Variants in ADPRHL1 observed in about 807,000 individuals in gnomAD.
ADPRHL1 encodes the protein inactive ADP-ribosyltransferase ARH2.
A neutral mutation model predicts 44.1 loss-of-function variants in ADPRHL1; 43 were observed. The observed-to-expected ratio is 0.98, with a 90% confidence interval of 0.76 to 1.26. The LOEUF is 1.26. Among genes scored for constraint, ADPRHL1 ranks in the 50% most tolerant of loss-of-function variants. The pLI is 0.00. For missense variants in ADPRHL1, 2,022 were observed against 2,496.9 expected, an observed-to-expected ratio of 0.81 and a Z score of 4.05; for synonymous variants, 878 against 1,017.4, an observed-to-expected ratio of 0.86 and a Z score of 2.61.
intron 2 of ADPRHL1, among the ~76,000 whole-genome samples, chr13:113,434,344 G>A (rs2044030891): frequency 6.6e-6 from 1 of 151,598 alleles, no homozygotes; most frequent in African/African-American, 2.4e-5. Flanking sequence ...CCGTGACCCA[G>A]CATCCAGGTG....
chr13:113,407,433 G>T lies in ADPRHL1; in HGVS notation c.1849C>A (p.Pro617Thr), dbSNP rs943655985. 108 of 1,231,990 alleles carry T rather than the reference G, an allele frequency of 8.8e-5. No homozygotes were observed. The highest frequency in any genetic ancestry group is 8.4e-5 in the Admixed American group (2 of 23,722). The allele number at this position is 1,231,990 out of a possible 1,614,324, so 76.3% of individuals were successfully genotyped here. Reference sequence around the variant, plus strand: ...GTGGCGATGCTGAGGGCCGGCAGGGGCTCAGCCGTGCAGGCCAGAAAGCGG... The same window carrying T: ...GTGGCGATGCTGAGGGCCGGCAGGGTCTCAGCCGTGCAGGCCAGAAAGCGG... ...PARFLACTAE[P>T]LPALSIATVV... Residue 617 changes from proline (P) to threonine (T), a missense_variant, in exon 8 of 8, where the codon CCC becomes ACC. This residue lies in a region of ADPRHL1 where 1,221 missense variants were observed against 1,517.8 expected (regional missense o/e 0.80). Transcript: ENST00000612156.
Position 113,408,360 on chromosome 13 carries a change from G to A in ADPRHL1, c.1062-140C>T, listed in dbSNP as rs572670963. Reference sequence around the variant, plus strand: ...GGGAGAAAAAGAGATTAGGAGCCAGGAGCTGTGGCTTCTGGGCTGTCTCTG... The same window carrying A: ...GGGAGAAAAAGAGATTAGGAGCCAGAAGCTGTGGCTTCTGGGCTGTCTCTG... On this transcript the variant is annotated intron_variant, in intron 7 of 7. Transcript: ENST00000612156. 104 of 886,418 alleles carry A rather than the reference G, an allele frequency of 1.2e-4. No homozygotes were observed. The Middle Eastern group carries it at 2.0e-3, about 17-fold the overall frequency. 54.9% of individuals were successfully genotyped at this position (886,418 alleles called of 1,614,324 possible).
At chr13:113,434,576 C>T (rs78126602) in intron 2 of ADPRHL1, among the ~76,000 whole-genome samples, 73,541 of 83,966 alleles carry the variant, frequency 0.88, 32,841 homozygotes, top group East Asian at 0.94. Context: ...AGAGTGAACA[C>T]AGGTGTACCC....
chr13:113,419,074 C>CCCTCCCT (rs2043902350), intron 7 of ADPRHL1, among the ~76,000 whole-genome samples: 1 of 74,064 alleles, frequency 1.4e-5, no homozygotes, highest in African/African-American at 5.9e-5. Flanking sequence ...TTCACTCCCT[C>CCCTCCCT]CTTCCTTCCT....
intron 3 of ADPRHL1, among the ~76,000 whole-genome samples, chr13:113,432,126 C>CT (rs77919097): frequency 0.35 from 53,419 of 150,974 alleles, 10,892 homozygotes; most frequent in East Asian, 0.7. Context: ...AAATGTCCAG[C>CT]TTTTTTTTTG....
chr13:113,406,851 A>G lies in ADPRHL1; in HGVS notation c.2431T>C (p.Phe811Leu), dbSNP rs536738777. The stretch of plus-strand genomic sequence containing the variant: ...TGCTCCGGCACCTTCTGTTCTGGGA[A>G]ATACTTCTGGGTGGCAAAGAGGGGG... ...RDPLFATQKY[F>L]PEQKVPEHIP... The change falls in exon 8 of 8, where the codon TTC (phenylalanine) becomes CTC (leucine). Residue 811 changes from phenylalanine (F) to leucine (L), a missense_variant. By Grantham distance (22) the Phe-to-Leu change is conservative. Transcript: ENST00000612156. The G allele has an allele frequency of 1.5e-4, 180 of 1,232,152 alleles. 1 individual carries two copies. The Middle Eastern group carries it at 4.0e-3, about 28-fold the overall frequency. The allele number at this position is 1,232,152 out of a possible 1,614,324, so 76.3% of individuals were successfully genotyped here. A position where few individuals can be genotyped will look rare whatever the true frequency, so the allele number is the denominator to read the frequency against.
rs2043792974 is a variant in ADPRHL1, at chr13:113,404,623, T to TTGAGCGTGTCCC, written c.4647_4658dup (p.Gly1550_Gln1553dup). ...TCTGGGTCTGCCACTGGGCCTGTTC[T>TTGAGCGTGTCCC]TGAGCGTGTCCCTGAGCCTGTCCCT... On this transcript the variant is annotated inframe_insertion, in exon 8 of 8. Coordinates refer to ENST00000612156, the MANE Select transcript of ADPRHL1 (RefSeq NM_001394807.1). 1 of 1,305,534 alleles carries TTGAGCGTGTCCC rather than the reference T, an allele frequency of 7.7e-7. No homozygotes were observed. The highest frequency in any genetic ancestry group is 4.1e-5 in the Admixed American group (1 of 24,570). The allele number at this position is 1,305,534 out of a possible 1,614,324, so 80.9% of individuals were successfully genotyped here.
rs541672669 is a variant in ADPRHL1, at chr13:113,448,968, G to A, written c.214+4256C>T. The A allele has an allele frequency of 5.3e-5, 52 of 985,708 alleles. No homozygotes were observed. In the South Asian group the frequency reaches 1.1e-3, roughly 21 times the overall value. 61.1% of individuals were successfully genotyped at this position (985,708 alleles called of 1,614,324 possible). ...ATGGCCGAGCTCTCTGTGCGAGGCC[G>A]CCCCTCCCCAGGCCTGGCACACACA... On this transcript the variant is annotated intron_variant, in intron 1 of 7. Transcript: ENST00000612156.
At position 113,405,130 on chromosome 13, in the gene ADPRHL1, C is replaced by T. The variant is rs997529578; in HGVS notation, c.4152G>A (p.Gln1384=). 20 of 1,232,108 alleles carry T rather than the reference C, an allele frequency of 1.6e-5. No individual in the cohort carries two copies. The highest frequency in any genetic ancestry group is 2.0e-5 in the Non-Finnish European group (20 of 988,334). The allele number at this position is 1,232,108 out of a possible 1,614,324, so 76.3% of individuals were successfully genotyped here. A position where few individuals can be genotyped will look rare whatever the true frequency, so the allele number is the denominator to read the frequency against. The change falls in exon 8 of 8, where the codon CAG becomes CAA. Residue 1384 remains glutamine (Q), a synonymous_variant. Coordinates refer to ENST00000612156, the MANE Select transcript of ADPRHL1 (RefSeq NM_001394807.1). ...CGGGCTGGGGGGTCTCCTCCTGTGCCTGGTGACTCTGTTGCCTCCCCAGGT... is the reference window on the plus strand; with the variant it reads ...CGGGCTGGGGGGTCTCCTCCTGTGCTTGGTGACTCTGTTGCCTCCCCAGGT... The part of the protein sequence containing the change: ...QADLGRQQSH[Q]AQEETPQPGD...
chr13:113,422,561 C>G, intron 7 of ADPRHL1: 1 of 491,440 alleles, frequency 2.0e-6, no homozygotes, highest in South Asian at 2.5e-5. Flanking sequence ...CGGGTGAGTG[C>G]CACGCATGGA....
At chr13:113,430,363 C>T (rs979107702) in intron 3 of ADPRHL1, among the ~76,000 whole-genome samples, 3 of 152,256 alleles carry the variant, frequency 2.0e-5, no homozygotes, top group African/African-American at 7.2e-5. Context: ...GCTCTCTCCT[C>T]TCACTGCTAG....
intron 7 of ADPRHL1, among the ~76,000 whole-genome samples, chr13:113,413,867 G>A (rs2043873344): frequency 1.3e-5 from 2 of 152,206 alleles, no homozygotes; most frequent in African/African-American, 4.8e-5. Flanking sequence ...CAGGGTGCCC[G>A]GCTTTCCTAA....
intron 7 of ADPRHL1, among the ~76,000 whole-genome samples, chr13:113,421,756 C>A (rs186109855): frequency 5.8e-4 from 89 of 152,320 alleles, no homozygotes; most frequent in Middle Eastern, 6.8e-3. Context: ...AAGAAGACGC[C>A]CGTGGGGGTA....
chr13:113,450,305 C>T (rs763860962), intron 1 of ADPRHL1, among the ~76,000 whole-genome samples: 4 of 152,122 alleles, frequency 2.6e-5, no homozygotes, highest in African/African-American at 7.2e-5. Flanking sequence ...AGTGAAATTT[C>T]GACTTTGATT....
chr13:113,421,040 C>T (rs1472437893), intron 7 of ADPRHL1, among the ~76,000 whole-genome samples: 7 of 127,336 alleles, frequency 5.5e-5, no homozygotes, highest in Non-Finnish European at 1.2e-4. Flanking sequence ...CCCCCGCCAA[C>T]ATGCCTACCC....
rs1263262191 is a variant in ADPRHL1 at position 113,441,366 on chromosome 13, G to A, written c.379+3059C>T. ...CTTTTTTGGGTTGAATGTTTCTCAA[G>A]GGATTCAATTTTAACTCTTTTGCTG... On this transcript the variant is annotated intron_variant, in intron 2 of 7. Transcript: ENST00000612156. This position sits in a 1 kb window ranked among gnomAD's most constrained non-coding sequence, Gnocchi z 6.0. Among the ~76,000 whole-genome samples, 2 of 152,042 alleles carry A rather than the reference G, an allele frequency of 1.3e-5. No homozygotes were observed. Among genetic ancestry groups the A allele is most frequent in the African/African-American group, 2.4e-5 (1 of 41,388 alleles).
chr13:113,444,307 C>A (rs560035451), intron 2 of ADPRHL1, 118 bp downstream of exon 2: 18 of 1,366,134 alleles, frequency 1.3e-5, no homozygotes, highest in African/African-American at 1.3e-4. Context: ...GGACTCTAGG[C>A]AGATCCGGCC....
intron 7 of ADPRHL1, among the ~76,000 whole-genome samples, chr13:113,419,841 A>AC (rs1234019114): frequency 5.3e-5 from 8 of 152,186 alleles, no homozygotes; most frequent in Non-Finnish European, 4.4e-5. Flanking sequence ...CTGTTTGGGG[A>AC]AAGAAATAGT....
intron 7 of ADPRHL1, among the ~76,000 whole-genome samples, chr13:113,417,969 T>A (rs1260580808): frequency 1.2e-4 from 18 of 152,178 alleles, no homozygotes; most frequent in Admixed American, 1.2e-3. Context: ...TTTTATTAAT[T>A]TTTATACCCA....
Sources: allele counts gnomAD v4.1 joint callset (sites outside exome capture counted in the v4.1 genomes callset), GRCh38; gene constraint gnomAD v4.1.1; regional missense constraint gnomAD v4.1.1; non-coding constraint Gnocchi (gnomAD v3.1); transcripts MANE v1.5; gene names NCBI Gene and HGNC (gene_info 2026-07-23, HGNC 2026-07-21).